MIPEP: variants seen among roughly 807,000 people sequenced by gnomAD.
MIPEP encodes mitochondrial intermediate peptidase.
MIPEP carries 79 observed loss-of-function variants against 90.3 expected under a neutral mutation model. The ratio of observed to expected loss-of-function variants is 0.87; its 90% confidence interval spans 0.73 to 1.05. MIPEP has a LOEUF of 1.05. Ranked by LOEUF, MIPEP falls within the 50% of genes least tolerant of loss-of-function variation. The probability of loss-of-function intolerance (pLI) is 0.00; values close to 1 mark genes in which losing one functional copy is unlikely to be tolerated. For synonymous variants in MIPEP, 334 were observed against 315.8 expected, an observed-to-expected ratio of 1.06 and a Z score of -0.61; for missense variants, 940 against 905.6, an observed-to-expected ratio of 1.04 and a Z score of -0.49.
chr13:23,816,471 G>A (rs1664488447), intron 14 of MIPEP, among the ~76,000 whole-genome samples: 1 of 152,058 alleles, frequency 6.6e-6, no homozygotes, highest in Non-Finnish European at 1.5e-5. Flanking sequence ...CTTCTCAAAG[G>A]AATTCTTCAT....
intron 10 of MIPEP, among the ~76,000 whole-genome samples, chr13:23,846,523 A>C (rs1355135025): frequency 6.6e-6 from 1 of 152,188 alleles, no homozygotes; most frequent in Non-Finnish European, 1.5e-5. Flanking sequence ...GCATATACAT[A>C]ATGAGATATC....
intron 9 of MIPEP, among the ~76,000 whole-genome samples, chr13:23,861,962 T>C (rs1023184899): frequency 5.3e-5 from 8 of 152,344 alleles, no homozygotes; most frequent in African/African-American, 1.9e-4. Flanking sequence ...AATTGCCACC[T>C]GCCAGATGAA....
intron 18 of MIPEP, among the ~76,000 whole-genome samples, chr13:23,747,921 A>G (rs562394325): frequency 6.6e-6 from 1 of 151,966 alleles, no homozygotes; most frequent in Admixed American, 6.5e-5. Flanking sequence ...TTGTATTTTT[A>G]GTAGAGAAGG....
rs116103396 is a variant in MIPEP, at chr13:23,795,770, A to T, written c.1848+10180T>A. On this transcript the variant is annotated intron_variant, in intron 16 of 18. Coordinates refer to ENST00000382172, the MANE Select transcript of MIPEP (RefSeq NM_005932.4). ...TTTGAGAAGCTGAGGTAGGAGGACC[A>T]CTTGAGGCCAGGAGTTTAAGACTAG... Among the ~76,000 whole-genome samples the T allele has an allele frequency of 8.5e-3, 1,288 of 151,562 alleles. 17 individuals are homozygous for T. Among genetic ancestry groups the T allele is most frequent in the African/African-American group, 0.029 (1,199 of 41,318 alleles).
chr13:23,805,036 C>T (rs1178219392), intron 16 of MIPEP, among the ~76,000 whole-genome samples: 5 of 152,144 alleles, frequency 3.3e-5, no homozygotes, highest in South Asian at 4.2e-4. Flanking sequence ...ACATTTCTAA[C>T]GACATTGTGG....
At position 23,864,122 on chromosome 13, in the gene MIPEP, T is replaced by C. The variant is rs1239076786; in HGVS notation, c.992+19A>G. 4 of 1,413,440 alleles carry C rather than the reference T, an allele frequency of 2.8e-6. No homozygotes were observed. The highest frequency in any genetic ancestry group is 2.4e-5 in the East Asian group (1 of 41,646). 87.6% of individuals were successfully genotyped at this position (1,413,440 alleles called of 1,614,324 possible). A position where few individuals can be genotyped will look rare whatever the true frequency, so the allele number is the denominator to read the frequency against. ...AATAACATATAACCAAAAAACTAAATAGTAGAATAAAAACTAACCTTTCAG... is the reference window on the plus strand; with the variant it reads ...AATAACATATAACCAAAAAACTAAACAGTAGAATAAAAACTAACCTTTCAG... On this transcript the variant is annotated intron_variant, in intron 8 of 18. Coordinates refer to ENST00000382172, the MANE Select transcript of MIPEP (RefSeq NM_005932.4).
chr13:23,839,736 A>C lies in MIPEP; in HGVS notation c.1261-10T>G, dbSNP rs757924139. 2 of 1,603,352 alleles carry C rather than the reference A, an allele frequency of 1.2e-6. No homozygotes were observed. The highest frequency in any genetic ancestry group is 1.1e-5 in the South Asian group (1 of 88,774). On this transcript the variant is annotated splice_polypyrimidine_tract_variant and intron_variant, in intron 11 of 18. Coordinates refer to ENST00000382172, the MANE Select transcript of MIPEP (RefSeq NM_005932.4). ...ATTCATGAACAACAGCCTAGAAAAA[A>C]AAATTTAAATTTGGTGGTAAATGAG...
chr13:23,810,066 A>C, intron 14 of MIPEP, 142 bp from the exon 15 acceptor site: 4 of 514,430 alleles, frequency 7.8e-6, no homozygotes, highest in Non-Finnish European at 1.3e-5. Flanking sequence ...ATAACTTTAA[A>C]TATTTTAGTT....
At chr13:23,837,428 A>T in intron 13 of MIPEP, 124 bp downstream of exon 13, 1 of 728,220 alleles carries the variant, frequency 1.4e-6, no homozygotes, top group Non-Finnish European at 2.3e-6. Flanking sequence ...AGGCAATCTG[A>T]GATAAAGACC....
At chr13:23,842,307 T>G (rs893965681) in intron 10 of MIPEP, 1 of 152,118 alleles carries the variant, frequency 6.6e-6, no homozygotes, top group Admixed American at 6.5e-5. Flanking sequence ...GCACAACACT[T>G]CGTTCCATAA....
intron 18 of MIPEP, among the ~76,000 whole-genome samples, chr13:23,742,420 G>A (rs1402340096): frequency 6.6e-6 from 1 of 152,122 alleles, no homozygotes; most frequent in African/African-American, 2.4e-5. Flanking sequence ...TAAAATGTTG[G>A]AGTTTAGTAT....
At position 23,841,389 on chromosome 13, in the gene MIPEP, T is replaced by C. The variant is rs1297082520; in HGVS notation, c.1206A>G (p.Leu402=). Residue 402 remains leucine (L), a synonymous_variant, in exon 11 of 19, where the codon TTA becomes TTG. Transcript: ENST00000382172. ...CTCCTTTTGCAGGCTGCTCTGCATA[T>C]AATGAAATCCCCAACAGTCTGTTAA... is the stretch of plus-strand genomic sequence containing the variant. ...ILLNRLLGIS[L]YAEQPAKGEV... is the part of the protein sequence containing the mutation. 8 of 1,614,150 alleles carry C rather than the reference T, an allele frequency of 5.0e-6. No individual in the cohort carries two copies. Among genetic ancestry groups the C allele is most frequent in the East Asian group, 2.2e-5 (1 of 44,878 alleles).
At position 23,873,201 on chromosome 13, in the gene MIPEP, G is replaced by A. The variant is rs1870909083; in HGVS notation, c.603+1645C>T. On this transcript the variant is annotated intron_variant, in intron 5 of 18. Coordinates refer to ENST00000382172, the MANE Select transcript of MIPEP (RefSeq NM_005932.4). Reference sequence around the variant, plus strand: ...GGAAACCTGGTGAGCAGGCCTAGGAGGAGGACAGCAAACACATGGGGGAGG... The same window carrying A: ...GGAAACCTGGTGAGCAGGCCTAGGAAGAGGACAGCAAACACATGGGGGAGG... Among the ~76,000 whole-genome samples the A allele has an allele frequency of 3.9e-5, 6 of 152,350 alleles. 1 individual carries two copies. In the South Asian group the frequency reaches 1.0e-3, roughly 26 times the overall value.
At chr13:23,781,256 T>C (rs1259028594) in intron 16 of MIPEP, among the ~76,000 whole-genome samples, 1 of 152,196 alleles carries the variant, frequency 6.6e-6, no homozygotes, top group Non-Finnish European at 1.5e-5. Flanking sequence ...AGCAAATCTC[T>C]TGGCAGAAAC....
At chr13:23,737,661 C>T (rs1952280359) in intron 18 of MIPEP, among the ~76,000 whole-genome samples, 1 of 152,084 alleles carries the variant, frequency 6.6e-6, no homozygotes, top group Admixed American at 6.5e-5. Flanking sequence ...ATACTCATGG[C>T]CTCACCTGTT....
rs1869118967 is a variant in MIPEP, at chr13:23,837,707, T to C, written c.1388A>G (p.Tyr463Cys). Residue 463 changes from tyrosine (Y) to cysteine (C), a missense_variant, in exon 13 of 19, where the codon TAT (tyrosine) becomes TGT (cysteine). Coordinates refer to ENST00000382172, the MANE Select transcript of MIPEP (RefSeq NM_005932.4). ...RGGRLKEDGD[Y>C]QLPVVVLMLN... is the part of the protein sequence containing the mutation. ...CATAAGAACTACAACTGGGAGTTGATAGTCTCCATCTTCCTTTAGTCTGCC... is the reference window on the plus strand; with the variant it reads ...CATAAGAACTACAACTGGGAGTTGACAGTCTCCATCTTCCTTTAGTCTGCC... The C allele has an allele frequency of 4.3e-6, 7 of 1,614,158 alleles. No individual in the cohort carries two copies. The highest frequency in any genetic ancestry group is 5.1e-6 in the Non-Finnish European group (6 of 1,179,954).
At chr13:23,809,591 C>A (rs1953149865) in intron 15 of MIPEP, among the ~76,000 whole-genome samples, 1 of 152,124 alleles carries the variant, frequency 6.6e-6, no homozygotes, top group East Asian at 1.9e-4. Flanking sequence ...GATTCGCCCA[C>A]CTCGGCCTCC....
chr13:23,863,795 G>A (rs1352206887), intron 8 of MIPEP, among the ~76,000 whole-genome samples: 1 of 152,092 alleles, frequency 6.6e-6, no homozygotes, highest in African/African-American at 2.4e-5. Context: ...CCTGTATTTA[G>A]GCCAAAAGAA....
At chr13:23,782,133 C>A (rs1304280484) in intron 16 of MIPEP, among the ~76,000 whole-genome samples, 1 of 152,176 alleles carries the variant, frequency 6.6e-6, no homozygotes, top group Non-Finnish European at 1.5e-5. Flanking sequence ...ACTCTCCACC[C>A]CAAATCAACA....
Sources: allele counts gnomAD v4.1 joint callset (sites outside exome capture counted in the v4.1 genomes callset), GRCh38; gene constraint gnomAD v4.1.1; transcripts MANE v1.5; gene names NCBI Gene and HGNC (gene_info 2026-07-23, HGNC 2026-07-21).